The following CACNG3 variants were observed in gnomAD, a reference collection of about 807,000 sequenced individuals.
CACNG3 encodes the protein voltage-dependent calcium channel gamma-3 subunit.
In CACNG3, 3 loss-of-function variants were observed where a neutral mutation model predicts 28.5. The observed-to-expected ratio is 0.11, with a 90% confidence interval of 0.05 to 0.27. The LOEUF (loss-of-function observed/expected upper bound fraction) is 0.27. CACNG3 is among the 10% of genes least tolerant of loss of function. The pLI, the probability that CACNG3 is intolerant of heterozygous loss-of-function variation, is 1.00. For synonymous variants in CACNG3, 174 were observed against 162.2 expected, an observed-to-expected ratio of 1.07 and a Z score of -0.55; for missense variants, 236 against 414.4, an observed-to-expected ratio of 0.57 and a Z score of 3.74.
chr16:24,264,955 T>C (rs1181078418), intron 1 of CACNG3, among the ~76,000 whole-genome samples: 1 of 152,200 alleles, frequency 6.6e-6, no homozygotes, highest in Non-Finnish European at 1.5e-5. Flanking sequence ...AGTTGAAAAC[T>C]CTGCAGGCCA....
In CACNG3 at chr16:24,319,119, A is replaced by T. The variant is rs1482359540; in HGVS notation, c.212-27615A>T. ...TTTCCTTTGAAAATAAATTTAAGTT[A>T]AAAAAGAAACCGGGTTGATTTAAAG... On this transcript the variant is annotated intron_variant, in intron 1 of 3. Transcript: ENST00000005284. Among the ~76,000 whole-genome samples the T allele has an allele frequency of 2.6e-5, 4 of 152,340 alleles. No homozygotes were observed. In the South Asian group the frequency reaches 8.3e-4, roughly 32 times the overall value.
At chr16:24,294,311 C>T (rs1899002185) in intron 1 of CACNG3, among the ~76,000 whole-genome samples, 1 of 152,210 alleles carries the variant, frequency 6.6e-6, no homozygotes, top group Non-Finnish European at 1.5e-5. Flanking sequence ...CAAAGGGACA[C>T]AACACCATTC....
At chr16:24,338,868 T>A (rs533053860) in intron 1 of CACNG3, among the ~76,000 whole-genome samples, 1 of 152,292 alleles carries the variant, frequency 6.6e-6, no homozygotes, top group South Asian at 2.1e-4. Context: ...AGACCGTTAA[T>A]CCTCTAAACA....
intron 1 of CACNG3, among the ~76,000 whole-genome samples, chr16:24,308,876 A>G (rs1899223721): frequency 6.6e-6 from 1 of 151,386 alleles, no homozygotes; most frequent in Admixed American, 6.6e-5. Flanking sequence ...AAGAAAAGAA[A>G]AAAGAAAAAG....
chr16:24,277,375 A>T (rs1361759260), intron 1 of CACNG3, among the ~76,000 whole-genome samples: 2 of 152,174 alleles, frequency 1.3e-5, no homozygotes, highest in Non-Finnish European at 2.9e-5. Flanking sequence ...CTAGCAGGTG[A>T]TATCAGGGAC....
At position 24,359,170 on chromosome 16, in the gene CACNG3, G is replaced by T. The variant is rs146002113; in HGVS notation, c.437-2182G>T. On this transcript the variant is annotated intron_variant, in intron 3 of 3. Transcript: ENST00000005284. ...AGGAGAGAAAAAACATGGCCCGGGG[G>T]AGTCAGGGGGCATCAATAGAAGCCA... Among the ~76,000 whole-genome samples, 1,080 of 152,256 alleles carry T rather than the reference G, an allele frequency of 7.1e-3. 4 individuals carry two copies. Among genetic ancestry groups the T allele is most frequent in the Middle Eastern group, 0.034 (10 of 294 alleles).
chr16:24,264,997 G>C (rs753258787), intron 1 of CACNG3, among the ~76,000 whole-genome samples: 1 of 152,202 alleles, frequency 6.6e-6, no homozygotes, highest in Non-Finnish European at 1.5e-5. Flanking sequence ...CCAGCACTTT[G>C]AGAGGCCAAG....
intron 1 of CACNG3, among the ~76,000 whole-genome samples, chr16:24,296,113 G>A (rs189495193): frequency 6.6e-6 from 1 of 152,162 alleles, no homozygotes; most frequent in Non-Finnish European, 1.5e-5. Flanking sequence ...CTGCCCCCAG[G>A]ATGACAAGGT....
chr16:24,329,223 G>A (rs1301946235), intron 1 of CACNG3, among the ~76,000 whole-genome samples: 1 of 152,194 alleles, frequency 6.6e-6, no homozygotes, highest in Non-Finnish European at 1.5e-5. Flanking sequence ...GATGTCAGGT[G>A]CAGTTAATGG....
intron 1 of CACNG3, among the ~76,000 whole-genome samples, chr16:24,337,109 C>T (rs2141376127): frequency 6.6e-6 from 1 of 152,286 alleles, no homozygotes; most frequent in South Asian, 2.1e-4. Context: ...CCACCATGCC[C>T]TGCAGGCATT....
rs1158036837 is a variant in CACNG3, at chr16:24,278,581, A to G, written c.211+21616A>G. On this transcript the variant is annotated intron_variant, in intron 1 of 3. Coordinates refer to ENST00000005284, the MANE Select transcript of CACNG3 (RefSeq NM_006539.4). ...CAGTGAGCCGAGATTGCACCACTGCACTCCAGCCTGGCGACAGAGGGAGAC... is the reference window on the plus strand; with the variant it reads ...CAGTGAGCCGAGATTGCACCACTGCGCTCCAGCCTGGCGACAGAGGGAGAC... Among the ~76,000 whole-genome samples the G allele has an allele frequency of 2.0e-5, 3 of 152,130 alleles. No individual in the cohort carries two copies. The East Asian group carries it at 5.8e-4, about 29-fold the overall frequency.
At chr16:24,302,575 C>A (rs540213115) in intron 1 of CACNG3, among the ~76,000 whole-genome samples, 1 of 152,002 alleles carries the variant, frequency 6.6e-6, no homozygotes, top group African/African-American at 2.4e-5. Context: ...CCACCTCAGC[C>A]CCTAGAATAA....
At chr16:24,323,476 C>T (rs539422008) in intron 1 of CACNG3, among the ~76,000 whole-genome samples, 1 of 152,254 alleles carries the variant, frequency 6.6e-6, no homozygotes, top group South Asian at 2.1e-4. Context: ...AGCAGCATTA[C>T]ACCTATTTTA....
intron 1 of CACNG3, among the ~76,000 whole-genome samples, chr16:24,312,250 C>G (rs910999763): frequency 2.0e-5 from 3 of 152,240 alleles, no homozygotes; most frequent in African/African-American, 7.2e-5. Flanking sequence ...CCAACTCTTC[C>G]TGTCATAACT....
intron 1 of CACNG3, among the ~76,000 whole-genome samples, chr16:24,306,598 C>G (rs965003569): frequency 3.3e-5 from 5 of 152,146 alleles, no homozygotes; most frequent in African/African-American, 7.2e-5. Context: ...TTAAAAGAAG[C>G]CTTCATGGAC....
chr16:24,361,465 T>C lies in CACNG3; in HGVS notation c.550T>C (p.Phe184Leu). 1.2e-6 allele frequency: 2 copies of C among 1,614,120 alleles called. No individual in the cohort carries two copies. The highest frequency in any genetic ancestry group is 8.5e-7 in the Non-Finnish European group (1 of 1,180,022). ...SYGWSFYFGA[F>L]SFIIAEIVGV... ...TGGTTGGTCCTTTTATTTCGGAGCCTTCTCTTTCATCATCGCAGAAATTGT... is the reference window on the plus strand; with the variant it reads ...TGGTTGGTCCTTTTATTTCGGAGCCCTCTCTTTCATCATCGCAGAAATTGT... The change falls in exon 4 of 4, where the codon TTC (phenylalanine) becomes CTC (leucine). Residue 184 changes from phenylalanine to leucine, a missense_variant. Physicochemically the swap from Phe to Leu is conservative, Grantham distance 22 (BLOSUM62 0). Transcript: ENST00000005284. This position sits in a 1 kb window ranked among gnomAD's most constrained non-coding sequence, Gnocchi z 6.8.
chr16:24,339,472 G>A (rs1437477767), intron 1 of CACNG3, among the ~76,000 whole-genome samples: 7 of 150,058 alleles, frequency 4.7e-5, no homozygotes, highest in Admixed American at 1.3e-4. Flanking sequence ...TGCAATCTAC[G>A]CCTCCCAGGT....
In CACNG3 at chr16:24,282,770, A is replaced by G. The variant is rs1007094207; in HGVS notation, c.211+25805A>G. Among the ~76,000 whole-genome samples the G allele has an allele frequency of 3.3e-5, 5 of 152,166 alleles. No homozygotes were observed. In the East Asian group the frequency reaches 5.8e-4, roughly 18 times the overall value. ...TATACATATTTATGTACATATGAACATATCTATTTCTGAACCTTCTATTCT... is the reference window on the plus strand; with the variant it reads ...TATACATATTTATGTACATATGAACGTATCTATTTCTGAACCTTCTATTCT... On this transcript the variant is annotated intron_variant, in intron 1 of 3. Transcript: ENST00000005284.
intron 1 of CACNG3, among the ~76,000 whole-genome samples, chr16:24,316,421 T>G (rs1899352965): frequency 1.3e-5 from 2 of 151,818 alleles, no homozygotes; most frequent in Non-Finnish European, 2.9e-5. Context: ...ACTGAGAGCA[T>G]TCTCTGCCTG....
Sources: gnomAD v4.1 joint callset for allele counts (sites outside exome capture counted in the v4.1 genomes callset) on GRCh38, gnomAD v4.1.1 for gene constraint, Gnocchi (gnomAD v3.1) non-coding constraint, MANE v1.5 for transcripts, NCBI Gene and HGNC (gene_info 2026-07-23, HGNC 2026-07-21) for gene names.